Variants in KBTBD11 observed in about 807,000 individuals in gnomAD.
The protein encoded by KBTBD11 is kelch repeat and BTB domain containing 11.
For missense variants in KBTBD11, 1,390 were observed against 1,001.8 expected (o/e 1.39, Z -5.23); for synonymous variants, 747 against 499.0 (o/e 1.50, Z -6.63).
Position 2,001,746 on chromosome 8 carries a change from G to C in KBTBD11, c.554G>C (p.Arg185Pro), listed in dbSNP as rs1412206020. Residue 185 changes from arginine (R) to proline (P), a missense_variant, in exon 2 of 2, where the codon CGG (arginine) becomes CCG (proline). Coordinates refer to ENST00000320248, the MANE Select transcript of KBTBD11 (RefSeq NM_014867.3). ...CAGGGAGTGAGCCTGACGGCGCTGCGGCTGCTCCTCGCCGACGCCTACAGC... is the reference window on the plus strand; with the variant it reads ...CAGGGAGTGAGCCTGACGGCGCTGCCGCTGCTCCTCGCCGACGCCTACAGC... ...RVQGVSLTAL[R>P]LLLADAYSGR... The C allele has an allele frequency of 7.5e-7, 1 of 1,331,738 alleles. No homozygotes were observed. Among genetic ancestry groups the C allele is most frequent in the Non-Finnish European group, 9.6e-7 (1 of 1,043,344 alleles). 82.5% of individuals were successfully genotyped at this position (1,331,738 alleles called of 1,614,324 possible).
chr8:2,005,226 C>T lies in KBTBD11; in HGVS notation c.*2162C>T, dbSNP rs1817535162. 6.0e-6 allele frequency: 1 copy of T among 167,008 alleles called. No homozygotes were observed. The highest frequency in any genetic ancestry group is 1.5e-5 in the Non-Finnish European group (1 of 68,118). The allele number at this position is 167,008 out of a possible 1,614,324, so 10.3% of individuals were successfully genotyped here. A position where few individuals can be genotyped will look rare whatever the true frequency, so the allele number is the denominator to read the frequency against. ...CCTGTGGGGCCCGGCAGCAAAGCCC[C>T]AGGTGCTCCCTGTCACCTCACAACA... On this transcript the variant is annotated 3_prime_UTR_variant, in exon 2 of 2. Coordinates refer to ENST00000320248, the MANE Select transcript of KBTBD11 (RefSeq NM_014867.3).
At position 2,003,199 on chromosome 8, in the gene KBTBD11, C is replaced by T; in HGVS notation, c.*135C>T. ...TGGTTTGGACACTTCGAAGGAGCCC[C>T]GAGGACGCTCTCAGGGCCGCTTTCG... On this transcript the variant is annotated 3_prime_UTR_variant, in exon 2 of 2. Transcript: ENST00000320248. 8.2e-7 allele frequency: 1 copy of T among 1,216,240 alleles called. No individual in the cohort carries two copies. The highest frequency in any genetic ancestry group is 1.0e-6 in the Non-Finnish European group (1 of 961,774). The allele number at this position is 1,216,240 out of a possible 1,614,324, so 75.3% of individuals were successfully genotyped here.
At position 1,987,648 on chromosome 8, in the gene KBTBD11, C is replaced by T. The variant is rs140049658; in HGVS notation, c.-908-12637C>T. 3.1e-3 allele frequency among the ~76,000 whole-genome samples: 477 copies of T among 152,246 alleles called. 8 individuals are homozygous for T. The South Asian group carries it at 0.05, about 16-fold the overall frequency. ...CTCCTGCTCCTCTCTCATGCTGCAG[C>T]ATAACTTTCACATTCTGGGAGGACG... On this transcript the variant is annotated intron_variant, in intron 1 of 1. Coordinates refer to ENST00000320248, the MANE Select transcript of KBTBD11 (RefSeq NM_014867.3).
At chr8:1,986,066 C>A (rs1816699101) in intron 1 of KBTBD11, among the ~76,000 whole-genome samples, 1 of 152,200 alleles carries the variant, frequency 6.6e-6, no homozygotes, top group South Asian at 2.1e-4. Context: ...AAAATAGTAG[C>A]TAAAATATCA....
intron 1 of KBTBD11, among the ~76,000 whole-genome samples, chr8:1,985,948 C>T (rs1221236539): frequency 6.6e-6 from 1 of 152,252 alleles, no homozygotes; most frequent in East Asian, 1.9e-4. Flanking sequence ...GTTTTGCATC[C>T]ACACTCCCGC....
chr8:2,003,454 T>A lies in KBTBD11; in HGVS notation c.*390T>A. 5.1e-6 allele frequency: 1 copy of A among 195,490 alleles called. No individual in the cohort carries two copies. Among genetic ancestry groups the A allele is most frequent in the Non-Finnish European group, 1.1e-5 (1 of 87,420 alleles). 12.1% of individuals were successfully genotyped at this position (195,490 alleles called of 1,614,324 possible). A position where few individuals can be genotyped will look rare whatever the true frequency, so the allele number is the denominator to read the frequency against. ...CAGGAGCCTGGGACCCTCAAGTAGGTCGCCGCGAACTATCGGGGGAAGCAC... is the reference window on the plus strand; with the variant it reads ...CAGGAGCCTGGGACCCTCAAGTAGGACGCCGCGAACTATCGGGGGAAGCAC... On this transcript the variant is annotated 3_prime_UTR_variant, in exon 2 of 2. Coordinates refer to ENST00000320248, the MANE Select transcript of KBTBD11 (RefSeq NM_014867.3).
intron 1 of KBTBD11, among the ~76,000 whole-genome samples, chr8:1,977,609 C>T (rs868379628): frequency 1.3e-5 from 2 of 152,122 alleles, no homozygotes; most frequent in South Asian, 2.1e-4. Context: ...CGGCAACCTC[C>T]GCCTCCAGGG....
chr8:1,983,080 C>T (rs1436015525), intron 1 of KBTBD11, among the ~76,000 whole-genome samples: 1 of 152,136 alleles, frequency 6.6e-6, no homozygotes, highest in Non-Finnish European at 1.5e-5. Flanking sequence ...CAGTCCCCTC[C>T]TGCCACATGT....
Position 2,003,829 on chromosome 8 carries a change from G to C in KBTBD11, c.*765G>C, listed in dbSNP as rs964955444. ...CCATTATTTAAATTTTAAGTCTTCA[G>C]TGGCTAAATGTGACCAAACAGCACA... is the stretch of plus-strand genomic sequence containing the variant. On this transcript the variant is annotated 3_prime_UTR_variant, in exon 2 of 2. Coordinates refer to ENST00000320248, the MANE Select transcript of KBTBD11 (RefSeq NM_014867.3). 4 of 166,982 alleles carry C rather than the reference G, an allele frequency of 2.4e-5. No homozygotes were observed. The highest frequency in any genetic ancestry group is 9.6e-5 in the African/African-American group (4 of 41,456). 10.3% of individuals were successfully genotyped at this position (166,982 alleles called of 1,614,324 possible).
Position 2,001,608 on chromosome 8 carries a change from A to T in KBTBD11, c.416A>T (p.Glu139Val). ...CCGGGGTTCGGGGCGGTGTACGGGG[A>T]GCCGGACCTGGTGCTGGAGGTGTCG... ...VPPGFGAVYG[E>V]PDLVLEVSGR... The change falls in exon 2 of 2, where the codon GAG becomes GTG. Residue 139 changes from glutamate (E) to valine (V), a missense_variant. Physicochemically the swap from Glu to Val is moderately radical, Grantham distance 121 (BLOSUM62 -2). Transcript: ENST00000320248. 1 of 1,475,628 alleles carries T rather than the reference A, an allele frequency of 6.8e-7. No individual in the cohort carries two copies. Among genetic ancestry groups the T allele is most frequent in the Non-Finnish European group, 8.9e-7 (1 of 1,118,872 alleles). 91.4% of individuals were successfully genotyped at this position (1,475,628 alleles called of 1,614,324 possible). A position where few individuals can be genotyped will look rare whatever the true frequency, so the allele number is the denominator to read the frequency against.
intron 1 of KBTBD11, among the ~76,000 whole-genome samples, chr8:1,978,279 G>A (rs1816418987): frequency 6.6e-6 from 1 of 152,220 alleles, no homozygotes; most frequent in Admixed American, 6.5e-5. Flanking sequence ...CGTAGCAATA[G>A]CATTCATTTT....
intron 1 of KBTBD11, among the ~76,000 whole-genome samples, chr8:1,985,055 G>T (rs1816666674): frequency 6.6e-6 from 1 of 152,202 alleles, no homozygotes; most frequent in South Asian, 2.1e-4. Flanking sequence ...GTATGCCCTG[G>T]GTCCTCGGAA....
At chr8:1,987,172 C>G (rs536046265) in intron 1 of KBTBD11, among the ~76,000 whole-genome samples, 1 of 152,180 alleles carries the variant, frequency 6.6e-6, no homozygotes, top group Non-Finnish European at 1.5e-5. Flanking sequence ...CCTGTCCTTC[C>G]TCTCTCTGTT....
chr8:1,989,855 G>A (rs1317624996), intron 1 of KBTBD11, among the ~76,000 whole-genome samples: 1 of 150,668 alleles, frequency 6.6e-6, no homozygotes, highest in Non-Finnish European at 1.5e-5. Context: ...CTTGTGACCA[G>A]CAGGGGTGAA....
intron 1 of KBTBD11, among the ~76,000 whole-genome samples, chr8:1,991,599 C>G (rs1195213750): frequency 6.6e-6 from 1 of 151,356 alleles, no homozygotes. Context: ...GCCCGTGCAT[C>G]GCCAGAGGCT....
chr8:1,994,539 A>G (rs976729767), intron 1 of KBTBD11, among the ~76,000 whole-genome samples: 2 of 152,204 alleles, frequency 1.3e-5, no homozygotes, highest in Non-Finnish European at 2.9e-5. Flanking sequence ...TGCCCCTTAA[A>G]ACTGCATGGC....
At chr8:1,980,755 G>C (rs10102560) in intron 1 of KBTBD11, among the ~76,000 whole-genome samples, 121,769 of 152,224 alleles carry the variant, frequency 0.8, 49,031 homozygotes, top group African/African-American at 0.88. Context: ...GGGGCAGCAT[G>C]TTTCCTACTG....
intron 1 of KBTBD11, chr8:1,976,042 A>G (rs116459829): frequency 0.021 from 3,184 of 152,236 alleles, 91 homozygotes; most frequent in African/African-American, 0.062. Context: ...TTGCTCAGTA[A>G]TAATAGCTCT....
intron 1 of KBTBD11, among the ~76,000 whole-genome samples, chr8:1,982,136 A>G (rs1816559097): frequency 6.6e-6 from 1 of 152,238 alleles, no homozygotes; most frequent in Non-Finnish European, 1.5e-5. Flanking sequence ...GGCAGGAGTT[A>G]AAAGTATAGA....
Sources: allele counts gnomAD v4.1 joint callset (sites outside exome capture counted in the v4.1 genomes callset), GRCh38; gene constraint gnomAD v4.1.1; transcripts MANE v1.5; gene names NCBI Gene and HGNC (gene_info 2026-07-23, HGNC 2026-07-21).